The following NHSL1 variants were observed in gnomAD, a reference collection of about 807,000 sequenced individuals.
The protein encoded by NHSL1 is NHS-like protein 1.
A neutral mutation model predicts 95.0 loss-of-function variants in NHSL1; 48 were observed. The ratio of observed to expected loss-of-function variants is 0.51; its 90% CI spans 0.40 to 0.64. The LOEUF is 0.64. NHSL1 is among the 30% of genes least tolerant of loss of function. NHSL1 has a pLI of 0.00. For missense variants in NHSL1, 1,971 were observed against 2,077.7 expected, an observed-to-expected ratio of 0.95 and a Z score of 1.00; for synonymous variants, 783 against 833.9, an observed-to-expected ratio of 0.94 and a Z score of 1.05.
intron 1 of NHSL1, among the ~76,000 whole-genome samples, chr6:138,602,527 A>G (rs2114566168): frequency 6.6e-6 from 1 of 152,164 alleles, no homozygotes; most frequent in Admixed American, 6.5e-5. Flanking sequence ...TTTTTAGTAG[A>G]GAAGGGGTTT....
At chr6:138,499,970 T>C (rs1455949149), upstream of NHSL1, among the ~76,000 whole-genome samples, 1 of 152,186 alleles carries the variant, frequency 6.6e-6, no homozygotes, top group African/African-American at 2.4e-5. Flanking sequence ...GGTTGCATTT[T>C]TGTGCAAATT....
intron 1 of NHSL1, among the ~76,000 whole-genome samples, chr6:138,634,199 A>C (rs1784858570): frequency 6.6e-6 from 1 of 152,194 alleles, no homozygotes; most frequent in Non-Finnish European, 1.5e-5. Context: ...GGCAAGAGTA[A>C]GTCCTTATTT....
intron 2 of NHSL1, among the ~76,000 whole-genome samples, chr6:138,483,457 G>A (rs1779544017): frequency 6.6e-6 from 1 of 152,190 alleles, no homozygotes; most frequent in Admixed American, 6.5e-5. Flanking sequence ...TTCAGGAAAA[G>A]CTTTAGCTTT....
intron 1 of NHSL1, among the ~76,000 whole-genome samples, chr6:138,542,260 A>T (rs1177930533): frequency 6.6e-6 from 1 of 152,172 alleles, no homozygotes; most frequent in Non-Finnish European, 1.5e-5. Flanking sequence ...GGCAAGGAAG[A>T]GTCTTTCCTG....
Position 138,591,588 on chromosome 6 carries a change from T to G in NHSL1, c.97-95217A>C, listed in dbSNP as rs560505444. Among the ~76,000 whole-genome samples the G allele has an allele frequency of 9.2e-5, 14 of 152,168 alleles. No individual in the cohort carries two copies. The South Asian group carries it at 1.0e-3, about 11-fold the overall frequency. On this transcript the variant is annotated intron_variant, in intron 1 of 3. Transcript: ENST00000491526. ...CACGCCCCCATGCCTGGCTGATTTTTTTGTTGTTGTTGTTTGTTTGTTTTC... is the reference window on the plus strand; with the variant it reads ...CACGCCCCCATGCCTGGCTGATTTTGTTGTTGTTGTTGTTTGTTTGTTTTC...
intron 4 of NHSL1, among the ~76,000 whole-genome samples, chr6:138,444,887 G>T (rs1368899538): frequency 6.6e-6 from 1 of 152,122 alleles, no homozygotes; most frequent in African/African-American, 2.4e-5. Context: ...ATAAATACGT[G>T]ATTAGGTATT....
intron 1 of NHSL1, among the ~76,000 whole-genome samples, chr6:138,558,455 A>T (rs1279297296): frequency 8.9e-5 from 7 of 78,282 alleles, no homozygotes; most frequent in South Asian, 3.8e-4. Context: ...ACAGAGTCTC[A>T]CTCTGTCGCC....
At chr6:138,533,954 C>T (rs1219208919) in intron 1 of NHSL1, among the ~76,000 whole-genome samples, 2 of 152,332 alleles carry the variant, frequency 1.3e-5, no homozygotes, top group South Asian at 4.1e-4. Flanking sequence ...TCTAGAAACA[C>T]ATTAACTTTT....
chr6:138,580,930 C>G (rs1454796242), intron 1 of NHSL1, among the ~76,000 whole-genome samples: 1 of 152,130 alleles, frequency 6.6e-6, no homozygotes, highest in Non-Finnish European at 1.5e-5. Flanking sequence ...AAGAGAGAAG[C>G]AGGGGGAGGT....
intron 3 of NHSL1, among the ~76,000 whole-genome samples, chr6:138,461,039 G>A (rs941236050): frequency 2.6e-5 from 4 of 152,112 alleles, no homozygotes; most frequent in African/African-American, 4.8e-5. Flanking sequence ...AGAAGTTGCC[G>A]AAGGTGCGAG....
At chr6:138,493,591 C>T (rs148865204) in intron 2 of NHSL1, among the ~76,000 whole-genome samples, 2,251 of 152,328 alleles carry the variant, frequency 0.015, 26 homozygotes, top group Admixed American at 0.023. Flanking sequence ...AAAGCGTTTT[C>T]TACAAGCCAG....
At chr6:138,539,555 C>T (rs991948775) in intron 1 of NHSL1, among the ~76,000 whole-genome samples, 1 of 152,110 alleles carries the variant, frequency 6.6e-6, no homozygotes, top group African/African-American at 2.4e-5. Context: ...TGAGCCATCA[C>T]AGAGGAGGAC....
At chr6:138,689,080 A>ATCC (rs1242897865) in intron 1 of NHSL1, among the ~76,000 whole-genome samples, 1 of 152,220 alleles carries the variant, frequency 6.6e-6, no homozygotes, top group Non-Finnish European at 1.5e-5. Context: ...CAAAAGATCC[A>ATCC]TCCTCCTTCC....
chr6:138,585,996 G>A (rs1274583123), intron 1 of NHSL1, among the ~76,000 whole-genome samples: 1 of 152,068 alleles, frequency 6.6e-6, no homozygotes, highest in African/African-American at 2.4e-5. Flanking sequence ...GGTTGCAGTG[G>A]AGCTGTGATT....
chr6:138,437,403 T>C lies in NHSL1; in HGVS notation c.665-3723A>G, dbSNP rs533467232. The stretch of plus-strand genomic sequence containing the variant: ...ATATATATACACATATATATATATA[T>C]ACACACATATACACACACACACACA... On this transcript the variant is annotated intron_variant, in intron 5 of 7. Coordinates refer to ENST00000343505, the MANE Select transcript of NHSL1 (RefSeq NM_001144060.2). Among the ~76,000 whole-genome samples the C allele has an allele frequency of 1.2e-3, 66 of 56,468 alleles. 1 individual carries two copies. The highest frequency in any genetic ancestry group is 3.3e-3 in the East Asian group (6 of 1,844). The allele number at this position is 56,468 out of a possible 152,430, so 37.0% of individuals were successfully genotyped here. A position where few individuals can be genotyped will look rare whatever the true frequency, so the allele number is the denominator to read the frequency against.
At chr6:138,565,899 T>C (rs1783595563) in intron 1 of NHSL1, among the ~76,000 whole-genome samples, 1 of 151,356 alleles carries the variant, frequency 6.6e-6, no homozygotes, top group Non-Finnish European at 1.5e-5. Context: ...GCTATGATTG[T>C]GCCATTGCAC....
intron 1 of NHSL1, among the ~76,000 whole-genome samples, chr6:138,498,232 A>T (rs1166647406): frequency 2.0e-5 from 3 of 152,218 alleles, no homozygotes; most frequent in Admixed American, 6.5e-5. Context: ...TTGAAAATGG[A>T]AACTTTTCCT....
rs56056631 is a variant in NHSL1 at position 138,437,450 on chromosome 6, A to C, written c.665-3770T>G. On this transcript the variant is annotated intron_variant, in intron 5 of 7. Coordinates refer to ENST00000343505, the MANE Select transcript of NHSL1 (RefSeq NM_001144060.2). The stretch of plus-strand genomic sequence containing the variant: ...CACACACACACACACACACACAAAA[A>C]AAAAAAAAAAAAATACAATGCACCT... 6.6e-3 allele frequency among the ~76,000 whole-genome samples: 851 copies of C among 128,364 alleles called. 44 individuals carry two copies. The highest frequency in any genetic ancestry group is 0.028 in the African/African-American group (784 of 27,676). The allele number at this position is 128,364 out of a possible 152,430, so 84.2% of individuals were successfully genotyped here. A position where few individuals can be genotyped will look rare whatever the true frequency, so the allele number is the denominator to read the frequency against.
intron 1 of NHSL1, chr6:138,650,486 G>C (rs1298358410): frequency 1.2e-6 from 1 of 809,200 alleles, no homozygotes; most frequent in Non-Finnish European, 2.1e-6. Flanking sequence ...GGTGGAGGCT[G>C]TCATCCACCA....
Sources: gnomAD v4.1 joint callset for allele counts (sites outside exome capture counted in the v4.1 genomes callset) on GRCh38, gnomAD v4.1.1 for gene constraint, MANE v1.5 for transcripts, NCBI Gene and HGNC (gene_info 2026-07-23, HGNC 2026-07-21) for gene names.